MEGF11: variants seen among roughly 807,000 people sequenced by gnomAD.
MEGF11 encodes the protein multiple epidermal growth factor-like domains protein 11.
In MEGF11, 126 loss-of-function variants were observed where a neutral mutation model predicts 146.6. That is an observed-to-expected ratio of 0.86 (90% CI 0.74 to 1.00). The LOEUF (loss-of-function observed/expected upper bound fraction) is 1.00, where lower values mean the gene tolerates loss of function less well. MEGF11 is among the 50% of genes least tolerant of loss of function. The pLI, the probability that MEGF11 is intolerant of heterozygous loss-of-function variation, is 0.00. For missense variants in MEGF11, 1,509 were observed against 1,521.2 expected (o/e 0.99, Z 0.13); for synonymous variants, 532 against 583.4 (o/e 0.91, Z 1.27).
At chr15:66,200,078 A>G (rs551937118) in intron 1 of MEGF11, among the ~76,000 whole-genome samples, 8 of 152,368 alleles carry the variant, frequency 5.3e-5, no homozygotes, top group African/African-American at 1.4e-4. Context: ...AACTATGAAT[A>G]CGTCAATATT....
At chr15:66,150,435 T>A (rs773943759) in intron 1 of MEGF11, among the ~76,000 whole-genome samples, 4 of 152,190 alleles carry the variant, frequency 2.6e-5, no homozygotes, top group Admixed American at 6.5e-5. Flanking sequence ...GAATGAAGAC[T>A]TCCTTGGAGA....
rs1193381973 is a variant in MEGF11, at chr15:66,188,016, C to T, written c.-8-59605G>A. 2.6e-5 allele frequency among the ~76,000 whole-genome samples: 4 copies of T among 152,196 alleles called. No homozygotes were observed. In the South Asian group the frequency reaches 6.2e-4, roughly 24 times the overall value. ...ACACTTCCAACCTTAGCACTACTGA[C>T]GTTTTGGGCTGGATAATTCTGTGCT... On this transcript the variant is annotated intron_variant, in intron 1 of 25. Coordinates refer to ENST00000395614, the MANE Select transcript of MEGF11 (RefSeq NM_001385028.1).
chr15:65,912,224 A>G, intron 20 of MEGF11, 24 bp from the exon 21 acceptor site: 2 of 1,203,570 alleles, frequency 1.7e-6, no homozygotes, highest in Non-Finnish European at 2.1e-6. Context: ...AAGGTGCCAC[A>G]TACCATCATA....
chr15:66,147,061 C>G (rs945735700), intron 1 of MEGF11, among the ~76,000 whole-genome samples: 2 of 152,182 alleles, frequency 1.3e-5, no homozygotes, highest in Admixed American at 1.3e-4. Flanking sequence ...ATTGTAGCCG[C>G]TAGGTCCCTG....
intron 1 of MEGF11, among the ~76,000 whole-genome samples, chr15:66,231,799 G>A (rs772674703): frequency 6.6e-6 from 1 of 152,170 alleles, no homozygotes; most frequent in East Asian, 1.9e-4. Context: ...CTTGGGTCAT[G>A]GAAGAGCAAG....
intron 1 of MEGF11, among the ~76,000 whole-genome samples, chr15:66,206,939 C>T (rs2091314895): frequency 6.6e-6 from 1 of 152,046 alleles, no homozygotes; most frequent in Non-Finnish European, 1.5e-5. Context: ...ACTAGAAGAG[C>T]TCAGCAGCAG....
At chr15:66,216,037 G>A (rs1250542411) in intron 1 of MEGF11, among the ~76,000 whole-genome samples, 3 of 152,130 alleles carry the variant, frequency 2.0e-5, no homozygotes, top group Non-Finnish European at 1.5e-5. Context: ...TGCCTGCGAG[G>A]TGATTAGACA....
intron 1 of MEGF11, among the ~76,000 whole-genome samples, chr15:66,154,839 TGGCAGGGA>T (rs938613434): frequency 1.3e-5 from 2 of 152,192 alleles, no homozygotes; most frequent in African/African-American, 4.8e-5. Flanking sequence ...AGGGCCCAGG[TGGCAGGGA>T]GGCAGCTATG....
intron 5 of MEGF11, among the ~76,000 whole-genome samples, chr15:66,020,180 T>G (rs1358687612): frequency 6.6e-6 from 1 of 152,190 alleles, no homozygotes; most frequent in South Asian, 2.1e-4. Context: ...CAGCGATTGG[T>G]TCTGGAATGT....
At chr15:66,245,811 C>T (rs774475090) in intron 1 of MEGF11, among the ~76,000 whole-genome samples, 4 of 152,174 alleles carry the variant, frequency 2.6e-5, no homozygotes, top group African/African-American at 4.8e-5. Flanking sequence ...CCATAGACTA[C>T]TCCCAAAGAC....
chr15:65,926,109 T>TGTA (rs2079362793), intron 13 of MEGF11, among the ~76,000 whole-genome samples: 1 of 152,220 alleles, frequency 6.6e-6, no homozygotes, highest in Admixed American at 6.5e-5. Context: ...ACTGTTGCTT[T>TGTA]TTACCATTTA....
At chr15:66,065,444 A>C (rs1368789036) in intron 5 of MEGF11, among the ~76,000 whole-genome samples, 2 of 152,172 alleles carry the variant, frequency 1.3e-5, no homozygotes, top group Admixed American at 6.5e-5. Flanking sequence ...TTTGCTCTGC[A>C]TGTCTGGATC....
rs1049709233 is a variant in MEGF11, at chr15:66,127,518, T to C, written c.98+788A>G. ...GTCCCCCGCCTTTCTTCTTCTACCA[T>C]TCACTTCTCCCATAGGGCCCTCATC... On this transcript the variant is annotated intron_variant, in intron 2 of 25. Coordinates refer to ENST00000395614, the MANE Select transcript of MEGF11 (RefSeq NM_001385028.1). Among the ~76,000 whole-genome samples the C allele has an allele frequency of 5.3e-5, 8 of 152,240 alleles. No homozygotes were observed. The East Asian group carries it at 1.4e-3, about 26-fold the overall frequency.
At chr15:66,138,931 A>C (rs2089018131) in intron 1 of MEGF11, among the ~76,000 whole-genome samples, 1 of 152,150 alleles carries the variant, frequency 6.6e-6, no homozygotes, top group Admixed American at 6.5e-5. Flanking sequence ...GAATGAGTAT[A>C]TTAGGGTCCT....
intron 10 of MEGF11, among the ~76,000 whole-genome samples, chr15:65,953,832 A>C (rs2141461897): frequency 6.6e-6 from 1 of 152,172 alleles, no homozygotes; most frequent in South Asian, 2.1e-4. Context: ...TGACTAGGGC[A>C]GGCATGCCAC....
At chr15:66,235,154 G>T (rs2092061513) in intron 1 of MEGF11, among the ~76,000 whole-genome samples, 1 of 152,278 alleles carries the variant, frequency 6.6e-6, no homozygotes, top group East Asian at 1.9e-4. Flanking sequence ...GGGCGGGGAA[G>T]GTGCAGAGAA....
intron 2 of MEGF11, among the ~76,000 whole-genome samples, chr15:66,125,839 C>A (rs970123611): frequency 6.6e-6 from 1 of 152,288 alleles, no homozygotes; most frequent in East Asian, 1.9e-4. Flanking sequence ...GTCCAGCCTC[C>A]CTTTTCAGCC....
At position 65,906,632 on chromosome 15, in the gene MEGF11, C is replaced by T. The variant is rs376804978; in HGVS notation, c.2999-491G>A. 1.5e-4 allele frequency: 23 copies of T among 153,600 alleles called. No individual in the cohort carries two copies. The East Asian group carries it at 2.5e-3, about 17-fold the overall frequency. 9.5% of individuals were successfully genotyped at this position (153,600 alleles called of 1,614,324 possible). A position where few individuals can be genotyped will look rare whatever the true frequency, so the allele number is the denominator to read the frequency against. ...GAAGACAGTATTTATCACCTCTCAG[C>T]TCTGGTCCTGTCTGTCCTCTCCTGG... On this transcript the variant is annotated intron_variant, in intron 23 of 25. Coordinates refer to ENST00000395614, the MANE Select transcript of MEGF11 (RefSeq NM_001385028.1).
intron 5 of MEGF11, among the ~76,000 whole-genome samples, chr15:66,039,474 A>G (rs558024269): frequency 6.6e-6 from 1 of 152,238 alleles, no homozygotes; most frequent in African/African-American, 2.4e-5. Flanking sequence ...ACTGAGTTAG[A>G]CCTTTTACTG....
Sources: gnomAD v4.1 joint callset for allele counts (sites outside exome capture counted in the v4.1 genomes callset) on GRCh38, gnomAD v4.1.1 for gene constraint, MANE v1.5 for transcripts, NCBI Gene and HGNC (gene_info 2026-07-23, HGNC 2026-07-21) for gene names.